Variants in ATRNL1 observed in about 807,000 individuals in gnomAD.
ATRNL1 encodes the protein attractin-like protein 1.
Under a neutral mutation model 182.7 loss-of-function variants are expected in ATRNL1, and 95 were observed. That is an observed-to-expected ratio of 0.52 (90% CI 0.44 to 0.62). ATRNL1 has a LOEUF of 0.62. Ranked by LOEUF, ATRNL1 falls within the 20% of genes least tolerant of loss-of-function variation. ATRNL1 has a pLI of 0.00. For synonymous variants in ATRNL1, 576 were observed against 568.3 expected (o/e 1.01, Z -0.19); for missense variants, 1,471 against 1,679.5 (o/e 0.88, Z 2.17).
At chr10:115,125,310 T>A (rs1299766639) in intron 3 of ATRNL1, among the ~76,000 whole-genome samples, 1 of 152,198 alleles carries the variant, frequency 6.6e-6, no homozygotes, top group Non-Finnish European at 1.5e-5. Context: ...AGAGATTTTC[T>A]GTGAGTGGCC....
chr10:115,296,458 T>C (rs1307525031), intron 15 of ATRNL1, among the ~76,000 whole-genome samples: 2 of 152,246 alleles, frequency 1.3e-5, no homozygotes, highest in Non-Finnish European at 2.9e-5. Context: ...CAGTCCACTG[T>C]TACTGCCAAC....
chr10:115,738,126 A>AG (rs1948017360), intron 27 of ATRNL1, among the ~76,000 whole-genome samples: 1 of 47,092 alleles, frequency 2.1e-5, no homozygotes, highest in Non-Finnish European at 4.1e-5. Context: ...GAAGATAATG[A>AG]TTTTTTTTTT....
intron 10 of ATRNL1, among the ~76,000 whole-genome samples, chr10:115,264,081 CT>C (rs1332661440): frequency 7.1e-6 from 1 of 140,596 alleles, no homozygotes; most frequent in Admixed American, 6.9e-5. Flanking sequence ...CAGCATCATT[CT>C]CTTTTTTTTT....
intron 8 of ATRNL1, among the ~76,000 whole-genome samples, chr10:115,184,246 T>C (rs1847853999): frequency 6.6e-6 from 1 of 151,468 alleles, no homozygotes; most frequent in Admixed American, 6.6e-5. Context: ...ACATAATAAA[T>C]ATGTTTCAAT....
At chr10:115,770,145 T>C (rs532828581) in intron 27 of ATRNL1, among the ~76,000 whole-genome samples, 1 of 151,716 alleles carries the variant, frequency 6.6e-6, no homozygotes, top group African/African-American at 2.4e-5. Flanking sequence ...GTTTTTTTTT[T>C]AAAACTAAAA....
chr10:115,521,227 C>A (rs1250118937), intron 25 of ATRNL1, among the ~76,000 whole-genome samples: 1 of 152,018 alleles, frequency 6.6e-6, no homozygotes, highest in African/African-American at 2.4e-5. Flanking sequence ...TATTTCGGCT[C>A]ACTGCAACCT....
intron 1 of ATRNL1, 121 bp from the exon 2 acceptor site, chr10:115,120,064 C>A: frequency 1.7e-6 from 1 of 589,354 alleles, no homozygotes; most frequent in Non-Finnish European, 2.9e-6. Flanking sequence ...ATAAATCCTC[C>A]TTTTTGAAAA....
intron 28 of ATRNL1, among the ~76,000 whole-genome samples, chr10:115,864,930 C>T (rs1381480002): frequency 6.6e-6 from 1 of 150,676 alleles, no homozygotes; most frequent in South Asian, 2.1e-4. Flanking sequence ...TGCAGTGAGC[C>T]GAGATGGTGC....
intron 8 of ATRNL1, among the ~76,000 whole-genome samples, chr10:115,178,420 A>G (rs1053330523): frequency 5.9e-5 from 9 of 152,296 alleles, no homozygotes; most frequent in Admixed American, 4.6e-4. Context: ...TCATAATTGT[A>G]TAATGATGAA....
chr10:115,571,849 A>G (rs937341135), intron 26 of ATRNL1, among the ~76,000 whole-genome samples: 13 of 151,936 alleles, frequency 8.6e-5, no homozygotes, highest in African/African-American at 3.1e-4. Context: ...ATTCCTATTC[A>G]TATAAGACAT....
At chr10:115,298,037 A>G (rs1554923271) in intron 15 of ATRNL1, among the ~76,000 whole-genome samples, 1 of 152,144 alleles carries the variant, frequency 6.6e-6, no homozygotes, top group Non-Finnish European at 1.5e-5. Flanking sequence ...CATGCCCTGT[A>G]AATGAAGAAT....
At chr10:115,797,683 GA>G (rs1949687805) in intron 27 of ATRNL1, among the ~76,000 whole-genome samples, 1 of 152,156 alleles carries the variant, frequency 6.6e-6, no homozygotes, top group Non-Finnish European at 1.5e-5. Context: ...AACAAAGCAG[GA>G]AAGTGGGGTT....
At chr10:115,866,599 C>T (rs1410274112) in intron 28 of ATRNL1, among the ~76,000 whole-genome samples, 1 of 152,144 alleles carries the variant, frequency 6.6e-6, no homozygotes, top group Non-Finnish European at 1.5e-5. Flanking sequence ...GTTTTTGTGT[C>T]TACTCTACAG....
At chr10:115,543,051 T>C (rs1852449644) in intron 25 of ATRNL1, among the ~76,000 whole-genome samples, 1 of 152,196 alleles carries the variant, frequency 6.6e-6, no homozygotes, top group Non-Finnish European at 1.5e-5. Flanking sequence ...AACATATGAA[T>C]TTGAGAACAC....
intron 26 of ATRNL1, among the ~76,000 whole-genome samples, chr10:115,651,411 A>C (rs1387365036): frequency 2.6e-5 from 4 of 152,196 alleles, no homozygotes; most frequent in African/African-American, 9.6e-5. Flanking sequence ...TATCAAAAAG[A>C]GGAAATTAGT....
chr10:115,380,952 A>T (rs782452650), intron 19 of ATRNL1, among the ~76,000 whole-genome samples: 1 of 152,216 alleles, frequency 6.6e-6, no homozygotes, highest in African/African-American at 2.4e-5. Context: ...TAATATTTTC[A>T]TGGACTACCA....
At chr10:115,257,684 T>C (rs1851213138) in intron 10 of ATRNL1, among the ~76,000 whole-genome samples, 4 of 152,252 alleles carry the variant, frequency 2.6e-5, no homozygotes, top group Admixed American at 2.0e-4. Context: ...TGTTAATTGA[T>C]GCAGTTTCTT....
chr10:115,835,333 C>A (rs1030990943), intron 27 of ATRNL1, among the ~76,000 whole-genome samples: 1 of 152,132 alleles, frequency 6.6e-6, no homozygotes, highest in African/African-American at 2.4e-5. Flanking sequence ...TGAATGCCAA[C>A]TGTGAAGAAT....
At chr10:115,245,539 A>T (rs1554903924) in intron 10 of ATRNL1, among the ~76,000 whole-genome samples, 1 of 150,952 alleles carries the variant, frequency 6.6e-6, no homozygotes, top group African/African-American at 2.4e-5. Context: ...TAACTAATTA[A>T]TGAAGCCTGG....
Sources: allele counts gnomAD v4.1 joint callset (sites outside exome capture counted in the v4.1 genomes callset), GRCh38; gene constraint gnomAD v4.1.1; transcripts MANE v1.5; gene names NCBI Gene and HGNC (gene_info 2026-07-23, HGNC 2026-07-21).